The following CLMP variants were observed in gnomAD, a reference collection of about 807,000 sequenced individuals.
CLMP encodes CXADR-like membrane protein.
Under a neutral mutation model 45.2 loss-of-function variants are expected in CLMP, and 27 were observed. That is an observed-to-expected ratio of 0.60 (90% confidence interval 0.44 to 0.82). CLMP has a LOEUF of 0.82. CLMP is among the 40% of genes least tolerant of loss of function. The probability of loss-of-function intolerance (pLI) is 0.00; values close to 1 mark genes in which losing one functional copy is unlikely to be tolerated. For missense variants in CLMP, 403 were observed against 448.4 expected (o/e 0.90, Z 0.91); for synonymous variants, 167 against 171.4 (o/e 0.97, Z 0.20).
chr11:123,082,999 C>G, intron 5 of CLMP, 86 bp downstream of exon 5: 3 of 1,517,582 alleles, frequency 2.0e-6, no homozygotes, highest in Non-Finnish European at 2.7e-6. Flanking sequence ...TAACCTTACT[C>G]TTACTTATGA....
At chr11:123,082,609 T>TTG (rs1865818657) in intron 5 of CLMP, among the ~76,000 whole-genome samples, 2 of 142,268 alleles carry the variant, frequency 1.4e-5, no homozygotes, top group South Asian at 2.2e-4. Flanking sequence ...CTGGTTTTTT[T>TTG]TGTGTGTGTT....
intron 1 of CLMP, among the ~76,000 whole-genome samples, chr11:123,107,259 C>G (rs935722762): frequency 1.3e-5 from 2 of 150,678 alleles, no homozygotes; most frequent in Non-Finnish European, 3.0e-5. Context: ...TAGACGGAGT[C>G]TCACTCTGTC....
intron 2 of CLMP, among the ~76,000 whole-genome samples, chr11:123,085,482 C>T (rs998788285): frequency 1.3e-5 from 2 of 151,604 alleles, no homozygotes; most frequent in Non-Finnish European, 2.9e-5. Flanking sequence ...CTCTTGGCCT[C>T]AGGTGATCCA....
chr11:123,139,772 C>A (rs1012638956), intron 1 of CLMP, among the ~76,000 whole-genome samples: 4 of 151,776 alleles, frequency 2.6e-5, no homozygotes, highest in Non-Finnish European at 5.9e-5. Flanking sequence ...GCCGAGATTG[C>A]GCTACTGCAC....
At chr11:123,092,213 G>A (rs1016543956) in intron 2 of CLMP, among the ~76,000 whole-genome samples, 8 of 152,024 alleles carry the variant, frequency 5.3e-5, no homozygotes, top group African/African-American at 9.7e-5. Context: ...TGCACAGTAC[G>A]TTCAGGTAGG....
intron 1 of CLMP, among the ~76,000 whole-genome samples, chr11:123,163,430 A>G (rs776856521): frequency 2.0e-5 from 3 of 152,226 alleles, no homozygotes; most frequent in Non-Finnish European, 4.4e-5. Flanking sequence ...CCAGAGGAGA[A>G]GTAAGCATGG....
chr11:123,093,133 C>G (rs1865953082), intron 2 of CLMP, among the ~76,000 whole-genome samples: 1 of 151,602 alleles, frequency 6.6e-6, no homozygotes, highest in African/African-American at 2.4e-5. Context: ...GTCTCAAACT[C>G]CTGACCTTGT....
intron 2 of CLMP, among the ~76,000 whole-genome samples, chr11:123,087,550 C>T (rs561124307): frequency 2.7e-4 from 41 of 151,224 alleles, no homozygotes; most frequent in African/African-American, 9.9e-4. Flanking sequence ...CGGCTCGGTG[C>T]AGTGGCTCAT....
chr11:123,105,592 G>C (rs1010705724), intron 1 of CLMP, among the ~76,000 whole-genome samples: 2 of 151,328 alleles, frequency 1.3e-5, no homozygotes, highest in Non-Finnish European at 2.9e-5. Context: ...CACCACACCT[G>C]GTTAATTTTG....
chr11:123,174,124 G>A (rs1002705443), intron 1 of CLMP, among the ~76,000 whole-genome samples: 10 of 152,008 alleles, frequency 6.6e-5, no homozygotes, highest in Non-Finnish European at 1.5e-4. Context: ...AAAATTCCAG[G>A]CTTAGAAATT....
chr11:123,109,223 A>C (rs1860604293), intron 1 of CLMP, among the ~76,000 whole-genome samples: 1 of 152,186 alleles, frequency 6.6e-6, no homozygotes, highest in African/African-American at 2.4e-5. Flanking sequence ...TTAAGAATAC[A>C]AAGGTGATGA....
At chr11:123,173,360 A>G (rs1861660745) in intron 1 of CLMP, among the ~76,000 whole-genome samples, 1 of 152,224 alleles carries the variant, frequency 6.6e-6, no homozygotes, top group African/African-American at 2.4e-5. Flanking sequence ...AGCCAGTCAG[A>G]CCACAAAGTG....
At chr11:123,145,881 G>T (rs1401866449) in intron 1 of CLMP, among the ~76,000 whole-genome samples, 1 of 152,192 alleles carries the variant, frequency 6.6e-6, no homozygotes, top group Non-Finnish European at 1.5e-5. Flanking sequence ...AGCGCCATCT[G>T]CTACTTTACT....
rs1229853029 is a variant in CLMP, at chr11:123,150,515, GGAAGGAAGGAAGGAAAGAAA to G, written c.28+44378_28+44397del. On this transcript the variant is annotated intron_variant, in intron 1 of 6. Transcript: ENST00000448775. Reference sequence around the variant, plus strand: ...AGGAAGGAAGGAAGGAAGGAAGGAAGGAAGGAAGGAAGGAAAGAAACAAGCAAGGAAGGAAGGAAGGAAGG... The same window carrying G: ...AGGAAGGAAGGAAGGAAGGAAGGAAGCAAGCAAGGAAGGAAGGAAGGAAGG... Among the ~76,000 whole-genome samples, 94 of 124,690 alleles carry G rather than the reference GGAAGGAAGGAAGGAAAGAAA, an allele frequency of 7.5e-4. 2 individuals are homozygous for G. The highest frequency in any genetic ancestry group is 5.5e-3 in the South Asian group (18 of 3,264). The allele number at this position is 124,690 out of a possible 152,430, so 81.8% of individuals were successfully genotyped here.
intron 1 of CLMP, among the ~76,000 whole-genome samples, chr11:123,100,169 G>C (rs767657415): frequency 3.3e-5 from 5 of 152,120 alleles, no homozygotes; most frequent in Non-Finnish European, 5.9e-5. Context: ...TCAGGAGTTT[G>C]AGACCAGCCT....
At chr11:123,113,421 T>G (rs1860670317) in intron 1 of CLMP, among the ~76,000 whole-genome samples, 1 of 152,120 alleles carries the variant, frequency 6.6e-6, no homozygotes, top group Admixed American at 6.6e-5. Context: ...AGGAATTTAG[T>G]GGAGGAAGAT....
chr11:123,137,801 G>C (rs190763256), intron 1 of CLMP, among the ~76,000 whole-genome samples: 37 of 152,266 alleles, frequency 2.4e-4, no homozygotes, highest in Middle Eastern at 3.4e-3. Flanking sequence ...CGCCAGGCTC[G>C]GTGATTGAAA....
At chr11:123,132,168 A>T (rs891491119) in intron 1 of CLMP, among the ~76,000 whole-genome samples, 3 of 152,022 alleles carry the variant, frequency 2.0e-5, no homozygotes, top group Non-Finnish European at 4.4e-5. Context: ...TACAAATAGC[A>T]TTTTTTTTCT....
intron 1 of CLMP, among the ~76,000 whole-genome samples, chr11:123,105,651 A>C (rs907901467): frequency 6.6e-6 from 1 of 151,426 alleles, no homozygotes; most frequent in Non-Finnish European, 1.5e-5. Context: ...GTTTGTCTCA[A>C]ACTCCTGACC....
Sources: gnomAD v4.1 joint callset for allele counts (sites outside exome capture counted in the v4.1 genomes callset) on GRCh38, gnomAD v4.1.1 for gene constraint, MANE v1.5 for transcripts, NCBI Gene and HGNC (gene_info 2026-07-23, HGNC 2026-07-21) for gene names.